Variants in DENND2B observed in about 807,000 individuals in gnomAD.
DENND2B encodes DENN domain-containing protein 2B.
Under a neutral mutation model 116.0 loss-of-function variants are expected in DENND2B, and 32 were observed. The ratio of observed to expected loss-of-function variants is 0.28; its 90% confidence interval spans 0.21 to 0.37. DENND2B has a LOEUF of 0.37. DENND2B is among the 10% of genes least tolerant of loss of function. DENND2B has a pLI of 1.00. For missense variants in DENND2B, 1,276 were observed against 1,477.7 expected, an observed-to-expected ratio of 0.86 and a Z score of 2.24; for synonymous variants, 588 against 583.9, an observed-to-expected ratio of 1.01 and a Z score of -0.10.
intron 1 of DENND2B, among the ~76,000 whole-genome samples, chr11:8,795,150 G>T (rs1056576301): frequency 1.3e-5 from 2 of 152,224 alleles, no homozygotes; most frequent in Non-Finnish European, 2.9e-5. Flanking sequence ...TTAAAGACGA[G>T]CACATACCTG....
chr11:8,799,358 C>A (rs775259347), intron 1 of DENND2B, among the ~76,000 whole-genome samples: 41 of 152,122 alleles, frequency 2.7e-4, no homozygotes, highest in Admixed American at 1.0e-3. Context: ...AGGGATAAGT[C>A]AATCAGGAGG....
chr11:8,794,085 G>A (rs75477297), intron 1 of DENND2B, among the ~76,000 whole-genome samples: 2,705 of 152,210 alleles, frequency 0.018, 90 homozygotes, highest in African/African-American at 0.062. Flanking sequence ...TCTGCCTTAC[G>A]TATTCCCCAT....
chr11:8,891,980 C>T (rs1264947556), intron 1 of DENND2B, among the ~76,000 whole-genome samples: 1 of 152,180 alleles, frequency 6.6e-6, no homozygotes, highest in Non-Finnish European at 1.5e-5. Flanking sequence ...AAATTGACCA[C>T]ATAGTTGGAA....
intron 1 of DENND2B, among the ~76,000 whole-genome samples, chr11:8,797,660 C>T (rs1332041754): frequency 1.3e-5 from 2 of 152,040 alleles, no homozygotes. Context: ...TCATAGCTCA[C>T]TGAAGCTTCA....
exon 2 of DENND2B, chr11:8,870,985 G>T (rs1454826260): frequency 6.6e-6 from 1 of 151,968 alleles, no homozygotes; most frequent in Non-Finnish European, 1.5e-5. Context: ...CGGGCGCGGC[G>T]CCTGGATGGG....
At chr11:8,799,296 G>A (rs1482268692) in intron 1 of DENND2B, among the ~76,000 whole-genome samples, 1 of 152,162 alleles carries the variant, frequency 6.6e-6, no homozygotes, top group Admixed American at 6.5e-5. Context: ...ATGCAGAGAG[G>A]CAGGGACTCG....
chr11:8,702,765 G>A lies in DENND2B; in HGVS notation c.2572-45C>T, dbSNP rs1158029745. 6.3e-7 allele frequency: 1 copy of A among 1,599,756 alleles called. No individual in the cohort carries two copies. The highest frequency in any genetic ancestry group is 2.2e-5 in the East Asian group (1 of 44,656). On this transcript the variant is annotated intron_variant, in intron 13 of 19. Coordinates refer to ENST00000313726, the MANE Select transcript of DENND2B (RefSeq NM_213618.2). The surrounding 1 kb of genome is among the most constrained non-coding windows in gnomAD (Gnocchi z 4.6). The stretch of plus-strand genomic sequence containing the variant: ...AAGTGGGCCGGGGCCAGCCAAGTGG[G>A]TGCTGCCCTCTGGCCCTCCACGAAG...
chr11:8,776,158 GCGCACACACACA>G (rs2057667448), intron 1 of DENND2B: 58 of 338,492 alleles, frequency 1.7e-4, no homozygotes, highest in Admixed American at 6.0e-4. Context: ...ACGCGCGCGC[GCGCACACACACA>G]CACACACACA....
intron 3 of DENND2B, among the ~76,000 whole-genome samples, chr11:8,855,354 A>G (rs752269425): frequency 6.6e-6 from 1 of 151,494 alleles, no homozygotes; most frequent in Non-Finnish European, 1.5e-5. Context: ...TTGGGCGCCC[A>G]TCTTATGTTC....
chr11:8,855,414 C>T (rs1471009493), intron 3 of DENND2B, among the ~76,000 whole-genome samples: 1 of 150,728 alleles, frequency 6.6e-6, no homozygotes, highest in Non-Finnish European at 1.5e-5. Flanking sequence ...GAAAATTTAG[C>T]CTGATGGATC....
At chr11:8,870,769 C>T (rs1040680849) in intron 2 of DENND2B, 3 of 152,308 alleles carry the variant, frequency 2.0e-5, no homozygotes, top group Non-Finnish European at 1.5e-5. Context: ...TACTGACCGC[C>T]CGGGAGGGCG....
chr11:8,857,760 C>A (rs994537339), intron 2 of DENND2B, among the ~76,000 whole-genome samples: 1 of 152,214 alleles, frequency 6.6e-6, no homozygotes, highest in Non-Finnish European at 1.5e-5. Flanking sequence ...GGATGCCAGA[C>A]GTGGTTCTGA....
intron 2 of DENND2B, among the ~76,000 whole-genome samples, chr11:8,748,560 G>T (rs892183803): frequency 6.6e-6 from 1 of 151,568 alleles, no homozygotes; most frequent in African/African-American, 2.4e-5. Flanking sequence ...CTGAGAGAAG[G>T]GTGTCACTAG....
At position 8,870,358 on chromosome 11, in the gene DENND2B, T is replaced by G. The variant is rs998449346; in HGVS notation, c.-250+596A>C. On this transcript the variant is annotated intron_variant, in intron 2 of 6. Coordinates refer to the DENND2B transcript ENST00000524757. Reference sequence around the variant, plus strand: ...AACGTGCCATAAACGTTGACTAGAGTGTGGACCCTTTAATACTTAGTGCGT... The same window carrying G: ...AACGTGCCATAAACGTTGACTAGAGGGTGGACCCTTTAATACTTAGTGCGT... Among the ~76,000 whole-genome samples the G allele has an allele frequency of 3.3e-5, 5 of 152,060 alleles. No homozygotes were observed. The East Asian group carries it at 5.8e-4, about 18-fold the overall frequency.
chr11:8,750,805 A>G (rs2052264795), intron 1 of DENND2B, 80 bp from the exon 2 acceptor site: 1 of 1,325,812 alleles, frequency 7.5e-7, no homozygotes, highest in Non-Finnish European at 1.1e-6. Context: ...ATGACCTCCA[A>G]AAGTGCCAAG....
intron 1 of DENND2B, among the ~76,000 whole-genome samples, chr11:8,753,957 G>A (rs896595670): frequency 2.0e-5 from 3 of 151,114 alleles, no homozygotes; most frequent in South Asian, 4.2e-4. Context: ...AAGCAACGCT[G>A]GAAGAAAACA....
At chr11:8,736,788 G>C (rs1356248615) in intron 2 of DENND2B, among the ~76,000 whole-genome samples, 1 of 152,186 alleles carries the variant, frequency 6.6e-6, no homozygotes, top group Non-Finnish European at 1.5e-5. Context: ...ATGAGCCTGA[G>C]AGACACCAGA....
chr11:8,709,343 C>T (rs941990938), intron 11 of DENND2B, among the ~76,000 whole-genome samples: 4 of 152,168 alleles, frequency 2.6e-5, no homozygotes, highest in African/African-American at 7.2e-5. Flanking sequence ...GCAGGAATGC[C>T]GAGCTAGTGC....
intron 1 of DENND2B, among the ~76,000 whole-genome samples, chr11:8,802,873 G>A (rs186890551): frequency 9.9e-5 from 15 of 152,254 alleles, no homozygotes; most frequent in African/African-American, 3.6e-4. Flanking sequence ...ACTGCCCTAC[G>A]CATTGGAGAA....
Sources: allele counts gnomAD v4.1 joint callset (sites outside exome capture counted in the v4.1 genomes callset), GRCh38; gene constraint gnomAD v4.1.1; non-coding constraint Gnocchi (gnomAD v3.1); transcripts MANE v1.5; gene names NCBI Gene and HGNC (gene_info 2026-07-23, HGNC 2026-07-21).